Variants in FBXL2 observed in about 807,000 individuals in gnomAD.
The protein encoded by FBXL2 is F-box/LRR-repeat protein 2.
A neutral mutation model predicts 69.2 loss-of-function variants in FBXL2; 38 were observed. The observed-to-expected ratio is 0.55, with a 90% CI of 0.42 to 0.72. FBXL2 has a LOEUF of 0.72. FBXL2 is among the 30% of genes least tolerant of loss of function. The pLI, the probability that FBXL2 is intolerant of heterozygous loss-of-function variation, is 0.00. For missense variants in FBXL2, 354 were observed against 520.3 expected (o/e 0.68, Z 3.11); for synonymous variants, 192 against 201.3 (o/e 0.95, Z 0.39).
Position 33,401,866 on chromosome 3 carries a change from C to T in FBXL2, n.1215-1368C>T, listed in dbSNP as rs551660438. ...CAGACCGGACTGACTGACTAGGAAA[C>T]TATTCTAAGCCCTCAGACATGGTAA... On this transcript the variant is annotated intron_variant and non_coding_transcript_variant, in intron 12 of 12. Transcript: ENST00000463736. Among the ~76,000 whole-genome samples the T allele has an allele frequency of 5.6e-4, 85 of 152,274 alleles. 1 individual carries two copies. The highest frequency in any genetic ancestry group is 6.8e-3 in the Middle Eastern group (2 of 294).
downstream of FBXL2, chr3:33,392,591 C>T: frequency 1.2e-6 from 2 of 1,611,988 alleles, no homozygotes; most frequent in Middle Eastern, 1.7e-4. Context: ...AAAAACAACT[C>T]TCATCTTGAA....
At chr3:33,360,820 T>C (rs1468253069) in intron 4 of FBXL2, among the ~76,000 whole-genome samples, 2 of 151,922 alleles carry the variant, frequency 1.3e-5, no homozygotes, top group South Asian at 2.1e-4. Context: ...TTTGAAAAAA[T>C]TGAGCAAAAT....
the FBXL2 span, among the ~76,000 whole-genome samples, chr3:33,421,418 G>A: frequency 1.3e-5 from 2 of 152,074 alleles, no homozygotes; most frequent in African/African-American, 2.4e-5. Context: ...GACTACAGGC[G>A]TGCGCCACCA....
chr3:33,400,106 A>C (rs2044164739), intron 12 of FBXL2: 1 of 941,470 alleles, frequency 1.1e-6, no homozygotes, highest in Non-Finnish European at 1.5e-6. Flanking sequence ...TTATTTCAAA[A>C]TTTTAAAAAT....
At chr3:33,280,657 GA>G (rs1457872578) in intron 1 of FBXL2, among the ~76,000 whole-genome samples, 1 of 141,256 alleles carries the variant, frequency 7.1e-6, no homozygotes, top group Non-Finnish European at 1.5e-5. Flanking sequence ...AGGCTGTGCT[GA>G]ATTGTGTTCA....
chr3:33,299,560 T>A (rs2036078150), intron 2 of FBXL2, among the ~76,000 whole-genome samples: 1 of 152,178 alleles, frequency 6.6e-6, no homozygotes, highest in Non-Finnish European at 1.5e-5. Flanking sequence ...ACATTTGCTG[T>A]CATCAGGTTA....
chr3:33,373,892 C>G lies in FBXL2; in HGVS notation c.628C>G (p.Leu210Val). 1 of 1,614,224 alleles carries G rather than the reference C, an allele frequency of 6.2e-7. No homozygotes were observed. The highest frequency in any genetic ancestry group is 1.1e-5 in the South Asian group (1 of 91,086). ...LKHIQNYCHE[L>V]VSLNLQSCSR... ...ACACATTCAGAATTACTGCCATGAG[C>G]TTGTGAGCCTCAACTTGCAGTCCTG... Residue 210 changes from leucine (L) to valine (V), a missense_variant, in exon 9 of 15, where the codon CTT becomes GTT. Transcript: ENST00000484457.
At chr3:33,332,453 C>A (rs971564506) in intron 2 of FBXL2, among the ~76,000 whole-genome samples, 1 of 152,184 alleles carries the variant, frequency 6.6e-6, no homozygotes, top group African/African-American at 2.4e-5. Flanking sequence ...AAACTGAAAA[C>A]TCCAACAGTA....
At chr3:33,400,396 G>A (rs1181991442) in intron 12 of FBXL2, 2 of 718,772 alleles carry the variant, frequency 2.8e-6, no homozygotes, top group East Asian at 6.5e-5. Context: ...AAGAGCATGA[G>A]TCTGACTCCA....
chr3:33,416,925 C>T, the FBXL2 span: 6 of 1,080,684 alleles, frequency 5.6e-6, no homozygotes, highest in African/African-American at 9.5e-5. Flanking sequence ...TCAGAACATA[C>T]ATTACACAAT....
chr3:33,292,300 G>A (rs367698830), intron 1 of FBXL2, among the ~76,000 whole-genome samples: 1 of 152,064 alleles, frequency 6.6e-6, no homozygotes, highest in African/African-American at 2.4e-5. Flanking sequence ...GGATCATTGA[G>A]CCTGGGAGGC....
chr3:33,360,583 T>C (rs2041540248), intron 4 of FBXL2, among the ~76,000 whole-genome samples: 1 of 152,198 alleles, frequency 6.6e-6, no homozygotes, highest in Non-Finnish European at 1.5e-5. Flanking sequence ...CTTAACACTG[T>C]AGTTTCTGAA....
intron 13 of FBXL2, among the ~76,000 whole-genome samples, chr3:33,381,766 A>G (rs1033439392): frequency 9.8e-5 from 15 of 152,348 alleles, no homozygotes; most frequent in African/African-American, 3.1e-4. Context: ...AGCCTCCTAA[A>G]GAACCAGTTT....
At chr3:33,341,754 C>T (rs144409919) in intron 2 of FBXL2, among the ~76,000 whole-genome samples, 1,977 of 148,122 alleles carry the variant, frequency 0.013, 19 homozygotes, top group South Asian at 0.027. Flanking sequence ...TGCTTGAACC[C>T]GGGAGGTGGA....
chr3:33,374,031 A>C, intron 9 of FBXL2, 110 bp downstream of exon 9: 1 of 932,358 alleles, frequency 1.1e-6, no homozygotes, highest in Non-Finnish European at 1.7e-6. Context: ...CTGTGTTGCC[A>C]CACCCTGATT....
At chr3:33,320,871 A>T (rs111481555) in intron 2 of FBXL2, among the ~76,000 whole-genome samples, 3,951 of 152,298 alleles carry the variant, frequency 0.026, 81 homozygotes, top group Admixed American at 0.058. Context: ...AACTTTATTC[A>T]TCAAAAAACA....
intron 12 of FBXL2, chr3:33,400,864 C>G: frequency 8.3e-7 from 1 of 1,198,852 alleles, no homozygotes; most frequent in South Asian, 1.4e-5. Context: ...ATACATGTAA[C>G]AAAACTTCTC....
chr3:33,410,551 G>A, the FBXL2 span, among the ~76,000 whole-genome samples: 1 of 152,308 alleles, frequency 6.6e-6, no homozygotes, highest in South Asian at 2.1e-4. Context: ...TACAGTTCAT[G>A]CAAAGCATAG....
At chr3:33,390,389 G>C (rs1056417657), downstream of FBXL2, 1 of 1,613,126 alleles carries the variant, frequency 6.2e-7, no homozygotes, top group African/African-American at 1.3e-5. Context: ...AGGAAAGACA[G>C]TATTTCTTCA....
Sources: gnomAD v4.1 joint callset for allele counts (sites outside exome capture counted in the v4.1 genomes callset) on GRCh38, gnomAD v4.1.1 for gene constraint, MANE v1.5 for transcripts, NCBI Gene and HGNC (gene_info 2026-07-23, HGNC 2026-07-21) for gene names.